The following RETREG1 variants were observed in gnomAD, a reference collection of about 807,000 sequenced individuals.
The protein encoded by RETREG1 is reticulophagy regulator 1, also known as family with sequence similarity 134 member B.
A neutral mutation model predicts 54.8 loss-of-function variants in RETREG1; 44 were observed. That is an observed-to-expected ratio of 0.80 (90% CI 0.63 to 1.03). The LOEUF (loss-of-function observed/expected upper bound fraction) is 1.03. Ranked by LOEUF, RETREG1 falls within the 50% of genes least tolerant of loss-of-function variation. The pLI is 0.00. For missense variants in RETREG1, 554 were observed against 605.1 expected (o/e 0.92, Z 0.89); for synonymous variants, 217 against 238.5 (o/e 0.91, Z 0.83).
chr5:16,609,537 A>G (rs376506449), intron 1 of RETREG1, among the ~76,000 whole-genome samples: 3 of 152,332 alleles, frequency 2.0e-5, no homozygotes, highest in East Asian at 3.9e-4. Flanking sequence ...CTGTGAGGCT[A>G]GAAGGACGCC....
At position 16,474,820 on chromosome 5, in the gene RETREG1, A is replaced by G. The variant is rs1554014580; in HGVS notation, c.1415T>C (p.Leu472Pro). Reference protein sequence around the residue: ...ELDQIESELGLTQDQEAEAQQ... With the variant: ...ELDQIESELGPTQDQEAEAQQ... ...TGCTTCTGCTTCCTGGTCTTGTGTA[A>G]GTCCCAATTCACTCTCAATTTGATC... Residue 472 changes from leucine (L) to proline (P), a missense_variant, in exon 9 of 9, where the codon CTT becomes CCT. Leu to Pro is a moderately conservative substitution (Grantham distance 98). This residue lies in a region of RETREG1 where 30 missense variants were observed against 32.4 expected (regional missense o/e 0.93). Coordinates refer to ENST00000306320, the MANE Select transcript of RETREG1 (RefSeq NM_001034850.3). 1.2e-6 allele frequency: 2 copies of G among 1,613,910 alleles called. No homozygotes were observed. The highest frequency in any genetic ancestry group is 2.2e-5 in the South Asian group (2 of 91,074).
intron 1 of RETREG1, among the ~76,000 whole-genome samples, chr5:16,577,118 G>A (rs996593427): frequency 1.1e-4 from 16 of 152,078 alleles, no homozygotes; most frequent in African/African-American, 3.9e-4. Context: ...GATTTTAAGT[G>A]TCCTGGACCC....
chr5:16,511,407 G>C (rs79036626), intron 3 of RETREG1, among the ~76,000 whole-genome samples: 2,350 of 152,254 alleles, frequency 0.015, 56 homozygotes, highest in African/African-American at 0.051. Context: ...AGGTAGGCTA[G>C]ATTACACTTT....
At chr5:16,580,500 G>T (rs1742451935) in intron 1 of RETREG1, among the ~76,000 whole-genome samples, 1 of 152,302 alleles carries the variant, frequency 6.6e-6, no homozygotes, top group Non-Finnish European at 1.5e-5. Context: ...AATACCATCA[G>T]ACTCTGCCAA....
At chr5:16,531,806 T>C (rs1407109535) in intron 3 of RETREG1, among the ~76,000 whole-genome samples, 3 of 152,160 alleles carry the variant, frequency 2.0e-5, no homozygotes, top group Admixed American at 2.0e-4. Context: ...CTTTAACAAA[T>C]TAGCCTGTGA....
chr5:16,590,674 C>G (rs564064249), intron 1 of RETREG1, among the ~76,000 whole-genome samples: 1 of 152,102 alleles, frequency 6.6e-6, no homozygotes, highest in Non-Finnish European at 1.5e-5. Flanking sequence ...TGGCATTACC[C>G]AATTTTTACA....
intron 3 of RETREG1, among the ~76,000 whole-genome samples, chr5:16,508,221 T>C (rs1379166494): frequency 6.6e-6 from 1 of 152,248 alleles, no homozygotes; most frequent in Non-Finnish European, 1.5e-5. Context: ...TTTTTAAAAA[T>C]GTTCAATAGC....
intron 3 of RETREG1, among the ~76,000 whole-genome samples, chr5:16,526,944 C>T (rs186700724): frequency 1.5e-3 from 234 of 152,334 alleles, no homozygotes; most frequent in African/African-American, 5.3e-3. Flanking sequence ...TGTCTCACTT[C>T]CTCCTAGGGT....
At chr5:16,559,413 A>C (rs1376870798) in intron 3 of RETREG1, among the ~76,000 whole-genome samples, 2 of 152,208 alleles carry the variant, frequency 1.3e-5, no homozygotes, top group East Asian at 3.9e-4. Flanking sequence ...CATCAGATGC[A>C]ATGGCCTAGC....
At chr5:16,556,159 T>C (rs1258580896) in intron 3 of RETREG1, among the ~76,000 whole-genome samples, 1 of 46,450 alleles carries the variant, frequency 2.2e-5, no homozygotes, top group African/African-American at 8.6e-5. Context: ...ACACCTTTTT[T>C]TTTTCTTTTT....
Position 16,561,492 on chromosome 5 carries a change from G to A in RETREG1, c.458+4271C>T, listed in dbSNP as rs939787936. 2.3e-4 allele frequency among the ~76,000 whole-genome samples: 35 copies of A among 151,736 alleles called. No individual in the cohort carries two copies. The highest frequency in any genetic ancestry group is 7.3e-4 in the African/African-American group (30 of 41,376). ...AGCCTGGGCGACAGAGCAAGACTCC[G>A]TCTCAAAAAATAATAATAATAAAAT... On this transcript the variant is annotated intron_variant, in intron 3 of 8. Transcript: ENST00000306320. This position sits in a 1 kb window ranked among gnomAD's most constrained non-coding sequence, Gnocchi z 4.2.
At chr5:16,530,701 T>C (rs1490660855) in intron 3 of RETREG1, among the ~76,000 whole-genome samples, 1 of 152,100 alleles carries the variant, frequency 6.6e-6, no homozygotes, top group Non-Finnish European at 1.5e-5. Flanking sequence ...GGCAAAACCC[T>C]GTCTAGACTA....
intron 3 of RETREG1, among the ~76,000 whole-genome samples, chr5:16,506,935 C>T (rs2126561408): frequency 6.6e-6 from 1 of 152,094 alleles, no homozygotes; most frequent in Non-Finnish European, 1.5e-5. Flanking sequence ...ATTACTAATC[C>T]TTGGTAATAA....
intron 4 of RETREG1, among the ~76,000 whole-genome samples, chr5:16,481,958 TC>T: frequency 6.6e-6 from 1 of 151,986 alleles, no homozygotes; most frequent in South Asian, 2.1e-4. Context: ...CAAAGGAAAT[TC>T]ATTAAGGGAG....
intron 3 of RETREG1, among the ~76,000 whole-genome samples, chr5:16,539,393 C>T (rs111687475): frequency 5.8e-4 from 88 of 152,208 alleles, no homozygotes; most frequent in African/African-American, 1.7e-3. Context: ...GCATTTGCAC[C>T]GGGAATCCAG....
chr5:16,500,773 G>A (rs1014579082), intron 3 of RETREG1, among the ~76,000 whole-genome samples: 11 of 152,140 alleles, frequency 7.2e-5, no homozygotes, highest in Non-Finnish European at 7.4e-5. Flanking sequence ...ATGTTCACGC[G>A]CGTTAAAGCA....
chr5:16,490,106 G>A (rs369721163), intron 3 of RETREG1, among the ~76,000 whole-genome samples: 9 of 152,206 alleles, frequency 5.9e-5, no homozygotes, highest in East Asian at 5.8e-4. Flanking sequence ...GAGGGAGAAA[G>A]TATATGGGAG....
At chr5:16,499,985 A>G (rs1251589719) in intron 3 of RETREG1, among the ~76,000 whole-genome samples, 2 of 152,230 alleles carry the variant, frequency 1.3e-5, no homozygotes. Context: ...TACCCAGCAG[A>G]TAACAATTAC....
At chr5:16,589,434 G>C (rs1396963428) in intron 1 of RETREG1, among the ~76,000 whole-genome samples, 1 of 152,050 alleles carries the variant, frequency 6.6e-6, no homozygotes, top group Non-Finnish European at 1.5e-5. Context: ...TGAAGCAGTG[G>C]TGCCATCTCG....
Sources: allele counts gnomAD v4.1 joint callset (sites outside exome capture counted in the v4.1 genomes callset), GRCh38; gene constraint gnomAD v4.1.1; regional missense constraint gnomAD v4.1.1; non-coding constraint Gnocchi (gnomAD v3.1); transcripts MANE v1.5; gene names NCBI Gene and HGNC (gene_info 2026-07-23, HGNC 2026-07-21).